The following CEP68 variants were observed in gnomAD, a reference collection of about 807,000 sequenced individuals.
CEP68 encodes centrosomal protein of 68 kDa.
Under a neutral mutation model 55.3 loss-of-function variants are expected in CEP68, and 26 were observed. That is an observed-to-expected ratio of 0.47 (90% confidence interval 0.34 to 0.65). The LOEUF is 0.65. Among genes scored for constraint, CEP68 ranks in the 30% least tolerant of loss-of-function variants. CEP68 has a pLI of 0.01. For synonymous variants in CEP68, 402 were observed against 383.2 expected (o/e 1.05, Z -0.57); for missense variants, 957 against 946.7 (o/e 1.01, Z -0.14).
intron 1 of CEP68, among the ~76,000 whole-genome samples, chr2:65,062,304 C>A (rs1396499612): frequency 6.6e-6 from 1 of 152,198 alleles, no homozygotes; most frequent in East Asian, 1.9e-4. Context: ...GAGGCCGAGG[C>A]AGGCAGGTCA....
chr2:65,077,917 T>TA lies in CEP68; in HGVS notation c.2058dup (p.Gln687ThrfsTer30). On this transcript the variant is annotated frameshift_variant, in exon 5 of 7. Coordinates refer to ENST00000377990, the MANE Select transcript of CEP68 (RefSeq NM_015147.3). LOFTEE classifies it high-confidence loss of function. The stretch of plus-strand genomic sequence containing the variant: ...CATCAGTCTCTGACGGAGAGTGTCT[T>TA]ACAGAAGGGGGAGATTCTTCTTCAG... The TA allele has an allele frequency of 6.2e-7, 1 of 1,614,034 alleles. No individual in the cohort carries two copies. The highest frequency in any genetic ancestry group is 8.5e-7 in the Non-Finnish European group (1 of 1,179,924).
intron 1 of CEP68, among the ~76,000 whole-genome samples, chr2:65,066,811 G>C (rs1411658988): frequency 2.1e-5 from 3 of 145,470 alleles, no homozygotes; most frequent in African/African-American, 7.7e-5. Flanking sequence ...GCACATGCCT[G>C]TAATCCCAGC....
intron 5 of CEP68, 35 bp from the exon 6 acceptor site, chr2:65,082,501 A>AT: frequency 1.3e-6 from 2 of 1,487,058 alleles, no homozygotes; most frequent in Non-Finnish European, 1.8e-6. Context: ...CATGGGTTTT[A>AT]TTTCTGGTTT....
intron 4 of CEP68, among the ~76,000 whole-genome samples, chr2:65,075,842 G>A (rs1482408859): frequency 6.6e-6 from 1 of 152,142 alleles, no homozygotes; most frequent in Non-Finnish European, 1.5e-5. Flanking sequence ...TTCAGCAGCA[G>A]AGGACACAAT....
intron 3 of CEP68, chr2:65,073,373 G>C: frequency 3.2e-6 from 1 of 309,622 alleles, no homozygotes; most frequent in Middle Eastern, 1.1e-3. Flanking sequence ...ACAAAGGTAA[G>C]TGGCTTTCTT....
At chr2:65,079,309 A>G (rs1676901748) in intron 5 of CEP68, among the ~76,000 whole-genome samples, 1 of 152,180 alleles carries the variant, frequency 6.6e-6, no homozygotes, top group South Asian at 2.1e-4. Context: ...GAATTGTCCT[A>G]TGCATTGCAG....
At position 65,060,045 on chromosome 2, in the gene CEP68, A is replaced by G. The variant is rs576611381; in HGVS notation, c.-47+3517A>G. Reference sequence around the variant, plus strand: ...AAAAACTATTTGAGGAATTGTTCCAACATACTTTGATGTAATAAGATTTTT... The same window carrying G: ...AAAAACTATTTGAGGAATTGTTCCAGCATACTTTGATGTAATAAGATTTTT... On this transcript the variant is annotated intron_variant, in intron 1 of 6. Coordinates refer to ENST00000377990, the MANE Select transcript of CEP68 (RefSeq NM_015147.3). Among the ~76,000 whole-genome samples the G allele has an allele frequency of 2.0e-5, 3 of 152,310 alleles. No individual in the cohort carries two copies. The South Asian group carries it at 6.2e-4, about 32-fold the overall frequency.
intron 4 of CEP68, 39 bp downstream of exon 4, chr2:65,074,443 G>C (rs201954531): frequency 1.9e-6 from 3 of 1,613,750 alleles, no homozygotes; most frequent in Admixed American, 1.7e-5. Context: ...TCCCTCACAA[G>C]AGTGTGGCTA....
At position 65,071,181 on chromosome 2, in the gene CEP68, TCTG is replaced by T. The variant is rs1676442310; in HGVS notation, c.358-270_358-268del. ...TTCAGCATGACAGAGCTGTCTGAGT[TCTG>T]CTTGCTCACACCCTGGATACCTGTG... On this transcript the variant is annotated intron_variant, in intron 2 of 6. Coordinates refer to ENST00000377990, the MANE Select transcript of CEP68 (RefSeq NM_015147.3). 35 of 482,420 alleles carry T rather than the reference TCTG, an allele frequency of 7.3e-5. No individual in the cohort carries two copies. The South Asian group carries it at 8.2e-4, about 11-fold the overall frequency. 29.9% of individuals were successfully genotyped at this position (482,420 alleles called of 1,614,324 possible). A position where few individuals can be genotyped will look rare whatever the true frequency, so the allele number is the denominator to read the frequency against.
At chr2:65,074,550 T>G (rs750616930) in intron 4 of CEP68, 146 bp downstream of exon 4, 12 of 1,193,964 alleles carry the variant, frequency 1.0e-5, no homozygotes, top group Non-Finnish European at 1.2e-5. Context: ...GAGCTTCACA[T>G]TCTTAAAGCG....
In CEP68 at chr2:65,058,540, C is replaced by T. The variant is rs186724227; in HGVS notation, c.-47+2012C>T. Among the ~76,000 whole-genome samples the T allele has an allele frequency of 1.1e-3, 107 of 99,326 alleles. 1 individual carries two copies. Among genetic ancestry groups the T allele is most frequent in the Non-Finnish European group, 1.8e-3 (99 of 55,240 alleles). The allele number at this position is 99,326 out of a possible 152,430, so 65.2% of individuals were successfully genotyped here. On this transcript the variant is annotated intron_variant, in intron 1 of 6. Coordinates refer to ENST00000377990, the MANE Select transcript of CEP68 (RefSeq NM_015147.3). ...TTTTTTTTTGAGAGGGAGTTTCACT[C>T]TTCTTGGCCAGGCTGGAGTGCAATG...
At chr2:65,073,004 G>A (rs1676572385) in intron 3 of CEP68, 24 bp downstream of exon 3, 2 of 1,613,010 alleles carry the variant, frequency 1.2e-6, no homozygotes, top group African/African-American at 1.3e-5. Flanking sequence ...ACGTTAGGAA[G>A]CTTTGTGTAC....
At chr2:65,068,888 A>G (rs557497938) in intron 1 of CEP68, among the ~76,000 whole-genome samples, 2 of 152,318 alleles carry the variant, frequency 1.3e-5, no homozygotes, top group African/African-American at 2.4e-5. Flanking sequence ...GGCAGAGCCA[A>G]GCATCTTGGA....
chr2:65,074,533 C>T (rs761428789), intron 4 of CEP68, 129 bp downstream of exon 4: 40 of 1,300,388 alleles, frequency 3.1e-5, no homozygotes, highest in Non-Finnish European at 4.1e-5. Flanking sequence ...TACCTGAAAT[C>T]TAATTAGAGC....
chr2:65,072,749 T>C lies in CEP68; in HGVS notation c.1653T>C (p.Pro551=). ...PGAALQGSGD[P]EGQNPCFLRS... is the part of the protein sequence containing the mutation. ...CTGCCCTCCAAGGATCTGGGGATCC[T>C]GAGGGCCAGAATCCCTGTTTCCTGC... Residue 551 remains proline, a synonymous_variant, in exon 3 of 7, where the codon CCT becomes CCC. Coordinates refer to ENST00000377990, the MANE Select transcript of CEP68 (RefSeq NM_015147.3). The C allele has an allele frequency of 3.7e-6, 6 of 1,614,120 alleles. No individual in the cohort carries two copies. Among genetic ancestry groups the C allele is most frequent in the Non-Finnish European group, 5.1e-6 (6 of 1,180,018 alleles).
At chr2:65,074,498 T>C in intron 4 of CEP68, 94 bp downstream of exon 4, 1 of 1,556,252 alleles carries the variant, frequency 6.4e-7, no homozygotes, top group Non-Finnish European at 8.9e-7. Context: ...CAATGTCTGG[T>C]ATGTTATAGC....
chr2:65,074,262 C>T lies in CEP68; in HGVS notation c.1885-20C>T, dbSNP rs1160278961. 2.5e-6 allele frequency: 4 copies of T among 1,613,256 alleles called. No individual in the cohort carries two copies. Among genetic ancestry groups the T allele is most frequent in the Non-Finnish European group, 3.4e-6 (4 of 1,179,476 alleles). ...CTGTTCGATCAGTAACACCATGTGT[C>T]CTTTTATTTGTCTCTGCAGACATTT... On this transcript the variant is annotated intron_variant, in intron 3 of 6. Coordinates refer to ENST00000377990, the MANE Select transcript of CEP68 (RefSeq NM_015147.3).
intron 4 of CEP68, among the ~76,000 whole-genome samples, chr2:65,077,480 G>C: frequency 6.6e-6 from 1 of 152,078 alleles, no homozygotes; most frequent in Non-Finnish European, 1.5e-5. Context: ...GGCTCCCTGC[G>C]GTCAGTTTAA....
At chr2:65,079,494 T>C (rs1676910462) in intron 5 of CEP68, among the ~76,000 whole-genome samples, 1 of 152,210 alleles carries the variant, frequency 6.6e-6, no homozygotes. Flanking sequence ...GATTCTCTAG[T>C]GTGAATTATA....
Sources: allele counts gnomAD v4.1 joint callset (sites outside exome capture counted in the v4.1 genomes callset), GRCh38; gene constraint gnomAD v4.1.1; transcripts MANE v1.5; gene names NCBI Gene and HGNC (gene_info 2026-07-23, HGNC 2026-07-21).